Variants in MCM9 observed in about 807,000 individuals in gnomAD.
The protein encoded by MCM9 is DNA helicase MCM9.
In MCM9, 55 loss-of-function variants were observed where a neutral mutation model predicts 72.8. The observed-to-expected ratio is 0.76, with a 90% confidence interval of 0.61 to 0.95. The LOEUF (loss-of-function observed/expected upper bound fraction) is 0.95. Among genes scored for constraint, MCM9 ranks in the 40% least tolerant of loss-of-function variants. The probability of loss-of-function intolerance (pLI) is 0.00; values close to 1 mark genes in which losing one functional copy is unlikely to be tolerated. For synonymous variants in MCM9, 480 were observed against 503.4 expected (o/e 0.95, Z 0.62); for missense variants, 1,279 against 1,377.0 (o/e 0.93, Z 1.13).
intron 8 of MCM9, chr6:118,893,995 C>A (rs1472779758): frequency 1.0e-6 from 1 of 984,802 alleles, no homozygotes; most frequent in African/African-American, 1.7e-5. Context: ...CGGCGGCCTC[C>A]GCGCGGGCCT....
chr6:118,860,932 G>A (rs1025117155), intron 8 of MCM9, among the ~76,000 whole-genome samples: 6 of 152,206 alleles, frequency 3.9e-5, no homozygotes, highest in African/African-American at 1.4e-4. Flanking sequence ...GGTTGGAGGT[G>A]CCGCTGCATG....
chr6:118,835,047 A>G (rs895744043), intron 9 of MCM9, among the ~76,000 whole-genome samples: 7 of 152,190 alleles, frequency 4.6e-5, no homozygotes, highest in African/African-American at 1.7e-4. Context: ...GAAGGGGTCC[A>G]GTATCAGTTT....
intron 8 of MCM9, among the ~76,000 whole-genome samples, chr6:118,905,331 C>T (rs1780104809): frequency 6.7e-6 from 1 of 149,358 alleles, no homozygotes; most frequent in African/African-American, 2.5e-5. Flanking sequence ...AAATCAATTG[C>T]TGACTATAAA....
chr6:118,922,021 C>T lies in MCM9; in HGVS notation c.687G>A (p.Val229=). The T allele has an allele frequency of 6.2e-7, 1 of 1,612,678 alleles. No homozygotes were observed. Among genetic ancestry groups the T allele is most frequent in the Non-Finnish European group, 8.5e-7 (1 of 1,179,278 alleles). ...TCTTCTTACCAGATTTGCAACTATC[C>T]ACTAAGTCATCTTCCAGAATAACCT... ...SMKVILEDDL[V]DSCKSGDDLT... is the part of the protein sequence containing the mutation. Residue 229 remains valine, a synonymous_variant, in exon 5 of 14, where the codon GTG becomes GTA. Transcript: ENST00000619706.
intron 8 of MCM9, among the ~76,000 whole-genome samples, chr6:118,860,130 A>G (rs1464856523): frequency 6.6e-6 from 1 of 152,248 alleles, no homozygotes; most frequent in Admixed American, 6.5e-5. Context: ...CAGTTTGAAG[A>G]GATAGAACAA....
At chr6:118,843,652 ATATGTG>A (rs751107946) in intron 9 of MCM9, among the ~76,000 whole-genome samples, 1,672 of 72,742 alleles carry the variant, frequency 0.023, 130 homozygotes, top group Middle Eastern at 0.065. Flanking sequence ...ATATATATAT[ATATGTG>A]TATATATATA....
chr6:118,825,132 A>AAAAGC (rs1774077166), intron 13 of MCM9, among the ~76,000 whole-genome samples: 1 of 152,180 alleles, frequency 6.6e-6, no homozygotes, highest in Admixed American at 6.5e-5. Context: ...CAGCCTCTCC[A>AAAAGC]AAAGCAAAGC....
intron 10 of MCM9, among the ~76,000 whole-genome samples, chr6:118,828,766 C>T (rs191007903): frequency 1.2e-3 from 181 of 152,274 alleles, no homozygotes; most frequent in Non-Finnish European, 1.7e-3. Context: ...AAGAGGTGAG[C>T]GTTAATTCTG....
At chr6:118,835,580 G>T (rs1418973718) in intron 9 of MCM9, among the ~76,000 whole-genome samples, 3 of 152,114 alleles carry the variant, frequency 2.0e-5, no homozygotes, top group Admixed American at 6.5e-5. Context: ...CTTGTAAGTT[G>T]TATTCCTAGG....
At chr6:118,887,940 T>C (rs1778698872) in intron 8 of MCM9, among the ~76,000 whole-genome samples, 1 of 151,920 alleles carries the variant, frequency 6.6e-6, no homozygotes, top group African/African-American at 2.4e-5. Context: ...CTGTATTTTT[T>C]AAAAAAGGGG....
At chr6:118,908,569 C>T (rs1432308375) in intron 8 of MCM9, 1 of 151,896 alleles carries the variant, frequency 6.6e-6, no homozygotes, top group East Asian at 1.9e-4. Context: ...ATTTTCACAC[C>T]TGTAGTACTC....
At chr6:118,858,359 T>G (rs1223819696) in intron 8 of MCM9, among the ~76,000 whole-genome samples, 2 of 151,862 alleles carry the variant, frequency 1.3e-5, no homozygotes, top group Non-Finnish European at 2.9e-5. Flanking sequence ...AGAGAACTTC[T>G]TCAACTTGAT....
intron 13 of MCM9, among the ~76,000 whole-genome samples, chr6:118,824,145 G>A (rs1430856350): frequency 2.2e-5 from 3 of 138,330 alleles, no homozygotes; most frequent in Non-Finnish European, 4.6e-5. Flanking sequence ...TCTGCCCCCC[G>A]GGGCAAACCC....
chr6:118,817,869 T>C (rs576246811), intron 13 of MCM9, among the ~76,000 whole-genome samples: 2 of 152,350 alleles, frequency 1.3e-5, no homozygotes, highest in East Asian at 3.9e-4. Context: ...TGGTTTTGAT[T>C]TGCATTTCTT....
intron 9 of MCM9, among the ~76,000 whole-genome samples, chr6:118,839,448 C>T (rs1016334939): frequency 2.6e-5 from 4 of 152,076 alleles, no homozygotes; most frequent in African/African-American, 4.8e-5. Flanking sequence ...ACTCATTCTC[C>T]ATCCAGTTTT....
intron 8 of MCM9, among the ~76,000 whole-genome samples, chr6:118,864,744 G>A (rs190350538): frequency 1.5e-4 from 23 of 152,180 alleles, no homozygotes; most frequent in Non-Finnish European, 1.0e-4. Flanking sequence ...TTAATTCACC[G>A]GCTCTGAGAA....
chr6:118,872,178 G>A (rs1027247492), intron 8 of MCM9, among the ~76,000 whole-genome samples: 8 of 151,980 alleles, frequency 5.3e-5, no homozygotes, highest in African/African-American at 1.7e-4. Flanking sequence ...AATTAGCCAC[G>A]CGTGGTGGTG....
At chr6:118,870,149 T>G in intron 8 of MCM9, among the ~76,000 whole-genome samples, 1 of 152,296 alleles carries the variant, frequency 6.6e-6, no homozygotes, top group East Asian at 1.9e-4. Flanking sequence ...TTAGACCAAA[T>G]GGACTTACCA....
At chr6:118,854,576 TC>T (rs1187813606) in intron 9 of MCM9, among the ~76,000 whole-genome samples, 1 of 152,102 alleles carries the variant, frequency 6.6e-6, no homozygotes, top group Non-Finnish European at 1.5e-5. Context: ...TGGTCTCCAA[TC>T]CCCGACCTCA....
Sources: gnomAD v4.1 joint callset for allele counts (sites outside exome capture counted in the v4.1 genomes callset) on GRCh38, gnomAD v4.1.1 for gene constraint, MANE v1.5 for transcripts, NCBI Gene and HGNC (gene_info 2026-07-23, HGNC 2026-07-21) for gene names.